Variants in KCNG3 observed in about 807,000 individuals in gnomAD.
KCNG3 encodes potassium voltage-gated channel modifier subfamily G member 3.
KCNG3 carries 15 observed loss-of-function variants against 29.0 expected under a neutral mutation model. That is an observed-to-expected ratio of 0.52 (90% CI 0.35 to 0.80). The LOEUF (loss-of-function observed/expected upper bound fraction) is 0.80. Among genes scored for constraint, KCNG3 ranks in the 30% least tolerant of loss-of-function variants. The pLI is 0.01. For missense variants in KCNG3, 512 were observed against 605.7 expected, an observed-to-expected ratio of 0.85 and a Z score of 1.62; for synonymous variants, 322 against 248.9, an observed-to-expected ratio of 1.29 and a Z score of -2.76.
chr2:42,391,324 C>G, the KCNG3 span, among the ~76,000 whole-genome samples: 1 of 152,166 alleles, frequency 6.6e-6, no homozygotes, highest in Non-Finnish European at 1.5e-5. Flanking sequence ...AGACCCAGGG[C>G]AAAGTGACCT....
At chr2:42,475,323 C>CTTTTTT (rs11365655) in intron 1 of KCNG3, among the ~76,000 whole-genome samples, 1 of 104,710 alleles carries the variant, frequency 9.6e-6, no homozygotes. Context: ...GCCTCTGTCT[C>CTTTTTT]TTTTTTTTTT....
chr2:42,442,337 G>C lies in KCNG3; in HGVS notation c.*1597C>G, dbSNP rs1022762001. ...CAGCATGACAATGACAAAGAAGTGT[G>C]ATTTTTCCAGGCTTTTCTCAGAACC... On this transcript the variant is annotated 3_prime_UTR_variant, in exon 2 of 2. Transcript: ENST00000306078. 6.6e-6 allele frequency: 1 copy of C among 152,192 alleles called. No individual in the cohort carries two copies. The highest frequency in any genetic ancestry group is 6.5e-5 in the Admixed American group (1 of 15,280). 9.4% of individuals were successfully genotyped at this position (152,192 alleles called of 1,614,324 possible). A position where few individuals can be genotyped will look rare whatever the true frequency, so the allele number is the denominator to read the frequency against.
the KCNG3 span, among the ~76,000 whole-genome samples, chr2:42,405,056 T>G: frequency 1.3e-5 from 2 of 152,338 alleles, no homozygotes; most frequent in East Asian, 3.9e-4. Flanking sequence ...TGCAGCTAAC[T>G]AGCAAAATCT....
Position 42,443,675 on chromosome 2 carries a change from C to G in KCNG3, c.*259G>C, listed in dbSNP as rs1302847763. The G allele has an allele frequency of 2.8e-6, 1 of 353,890 alleles. No individual in the cohort carries two copies. Among genetic ancestry groups the G allele is most frequent in the Non-Finnish European group, 5.1e-6 (1 of 197,474 alleles). The allele number at this position is 353,890 out of a possible 1,614,324, so 21.9% of individuals were successfully genotyped here. ...TATTTTTTAAAAATGTGTAATCATT[C>G]AAGGAAACGGGAAAACAAGTCTAAA... On this transcript the variant is annotated 3_prime_UTR_variant, in exon 2 of 2. Coordinates refer to ENST00000306078, the MANE Select transcript of KCNG3 (RefSeq NM_133329.6).
chr2:42,489,637 A>G (rs1033925450), intron 1 of KCNG3, among the ~76,000 whole-genome samples: 2 of 152,204 alleles, frequency 1.3e-5, no homozygotes, highest in Non-Finnish European at 2.9e-5. Context: ...TCAAGAGAGG[A>G]ATAGAATCTG....
At chr2:42,432,367 T>G in the KCNG3 span, among the ~76,000 whole-genome samples, 1 of 152,200 alleles carries the variant, frequency 6.6e-6, no homozygotes, top group Non-Finnish European at 1.5e-5. Context: ...TCACTGTAAG[T>G]ACTATGGAAA....
chr2:42,403,477 GT>G, the KCNG3 span, among the ~76,000 whole-genome samples: 17,779 of 87,544 alleles, frequency 0.2, 773 homozygotes, highest in African/African-American at 0.31. Context: ...TTTCTTTTCT[GT>G]TTTTTTTTTT....
the KCNG3 span, among the ~76,000 whole-genome samples, chr2:42,392,172 T>C: frequency 1.3e-5 from 2 of 152,152 alleles, no homozygotes; most frequent in Non-Finnish European, 1.5e-5. Context: ...CTTATAGGCA[T>C]GAACTCAGGA....
At chr2:42,426,893 C>T in the KCNG3 span, among the ~76,000 whole-genome samples, 1 of 152,188 alleles carries the variant, frequency 6.6e-6, no homozygotes, top group African/African-American at 2.4e-5. Flanking sequence ...AATTTATCCA[C>T]TGATGAATTT....
chr2:42,480,247 G>A (rs1191004829), intron 1 of KCNG3, among the ~76,000 whole-genome samples: 2 of 151,876 alleles, frequency 1.3e-5, no homozygotes, highest in Non-Finnish European at 2.9e-5. Flanking sequence ...ACTAGAATCA[G>A]GCATCACTTC....
At chr2:42,463,802 C>T (rs936420531) in intron 1 of KCNG3, 10 of 212,262 alleles carry the variant, frequency 4.7e-5, no homozygotes, top group African/African-American at 2.4e-4. Context: ...CAGGCCATAT[C>T]TGGTCCATCT....
Position 42,443,194 on chromosome 2 carries a change from A to G in KCNG3, c.*740T>C, listed in dbSNP as rs1175321052. 1 of 152,214 alleles carries G rather than the reference A, an allele frequency of 6.6e-6. No individual in the cohort carries two copies. Among genetic ancestry groups the G allele is most frequent in the Non-Finnish European group, 1.5e-5 (1 of 68,030 alleles). The allele number at this position is 152,214 out of a possible 1,614,324, so 9.4% of individuals were successfully genotyped here. ...CCTAGGAACAGCAATGAATTCAAAT[A>G]TTATCCAGTAAGATGCTAAACAACA... On this transcript the variant is annotated 3_prime_UTR_variant, in exon 2 of 2. Transcript: ENST00000306078.
downstream of KCNG3, among the ~76,000 whole-genome samples, chr2:42,441,809 T>TAAAATATATACACATATAG (rs1672492791): frequency 6.6e-6 from 1 of 151,230 alleles, no homozygotes; most frequent in African/African-American, 2.4e-5. Flanking sequence ...TGTGTATATA[T>TAAAATATATACACATATAG]ATACCTATAG....
At chr2:42,438,975 A>T (rs1420432872), downstream of KCNG3, among the ~76,000 whole-genome samples, 1 of 152,200 alleles carries the variant, frequency 6.6e-6, no homozygotes, top group Non-Finnish European at 1.5e-5. Flanking sequence ...CCAAAATGGA[A>T]CTTTCCAGAA....
chr2:42,401,756 A>G, the KCNG3 span, among the ~76,000 whole-genome samples: 2 of 152,244 alleles, frequency 1.3e-5, no homozygotes, highest in East Asian at 1.9e-4. Flanking sequence ...AAAATATTTT[A>G]AAAGAAATAC....
the KCNG3 span, among the ~76,000 whole-genome samples, chr2:42,402,722 C>G: frequency 6.6e-6 from 1 of 152,168 alleles, no homozygotes; most frequent in Non-Finnish European, 1.5e-5. Flanking sequence ...AATATTTGGG[C>G]TCTGTTTTGG....
the KCNG3 span, among the ~76,000 whole-genome samples, chr2:42,432,410 C>G: frequency 6.6e-6 from 1 of 152,138 alleles, no homozygotes; most frequent in Non-Finnish European, 1.5e-5. Context: ...AAATCCAGTT[C>G]CCGGAAATTC....
the KCNG3 span, among the ~76,000 whole-genome samples, chr2:42,396,725 C>G: frequency 2.7e-3 from 417 of 152,232 alleles, 2 homozygotes; most frequent in South Asian, 9.8e-3. Context: ...GAGCATGGTT[C>G]AGAGCTTGGC....
At chr2:42,455,895 AC>A (rs1672863808) in intron 1 of KCNG3, among the ~76,000 whole-genome samples, 1 of 150,324 alleles carries the variant, frequency 6.7e-6, no homozygotes, top group Non-Finnish European at 1.5e-5. Flanking sequence ...ACAGAAAACC[AC>A]CTAAAATAAT....
Sources: allele counts gnomAD v4.1 joint callset (sites outside exome capture counted in the v4.1 genomes callset), GRCh38; gene constraint gnomAD v4.1.1; transcripts MANE v1.5; gene names NCBI Gene and HGNC (gene_info 2026-07-23, HGNC 2026-07-21).